The following MRPS9 variants were observed in gnomAD, a reference collection of about 807,000 sequenced individuals.
MRPS9 encodes mitochondrial ribosomal protein S9.
MRPS9 carries 45 observed loss-of-function variants against 59.9 expected under a neutral mutation model. The observed-to-expected ratio is 0.75, with a 90% CI of 0.59 to 0.96. The LOEUF is 0.96. MRPS9 is among the 40% of genes least tolerant of loss of function. The pLI, the probability that MRPS9 is intolerant of heterozygous loss-of-function variation, is 0.00. For synonymous variants in MRPS9, 171 were observed against 166.8 expected (o/e 1.03, Z -0.19); for missense variants, 473 against 481.1 (o/e 0.98, Z 0.16).
chr2:105,084,297 T>C (rs2104463542), intron 5 of MRPS9, among the ~76,000 whole-genome samples: 1 of 150,242 alleles, frequency 6.7e-6, no homozygotes, highest in South Asian at 2.1e-4. Context: ...GTAGTAAAGT[T>C]TAAAATGTGA....
At chr2:105,060,977 G>A (rs1045870690) in intron 2 of MRPS9, among the ~76,000 whole-genome samples, 21 of 151,628 alleles carry the variant, frequency 1.4e-4, no homozygotes, top group Non-Finnish European at 2.4e-4. Flanking sequence ...CGGGCATGGT[G>A]GTGAGTGCCT....
intron 1 of MRPS9, among the ~76,000 whole-genome samples, chr2:105,041,513 C>T (rs1328144543): frequency 7.0e-6 from 1 of 142,722 alleles, no homozygotes; most frequent in Admixed American, 7.1e-5. Context: ...ATTCCTGTCT[C>T]TGTCTAAAGT....
At chr2:105,097,775 G>A (rs1239526813) in intron 10 of MRPS9, among the ~76,000 whole-genome samples, 3 of 152,164 alleles carry the variant, frequency 2.0e-5, no homozygotes, top group Admixed American at 2.0e-4. Context: ...ATCATAGCTA[G>A]CTGCAGCCTT....
intron 2 of MRPS9, among the ~76,000 whole-genome samples, chr2:105,050,144 C>T (rs1433687678): frequency 2.7e-5 from 4 of 150,882 alleles, no homozygotes; most frequent in African/African-American, 4.9e-5. Context: ...CTTTTCTTTT[C>T]TTTTCTTTTT....
chr2:105,078,378 A>T (rs1453871247), intron 4 of MRPS9, among the ~76,000 whole-genome samples: 2 of 151,586 alleles, frequency 1.3e-5, no homozygotes, highest in Non-Finnish European at 2.9e-5. Flanking sequence ...ATCCCATGAT[A>T]TGAGACTCAA....
intron 1 of MRPS9, among the ~76,000 whole-genome samples, chr2:105,048,806 G>T (rs1679656215): frequency 6.6e-6 from 1 of 151,924 alleles, no homozygotes; most frequent in Non-Finnish European, 1.5e-5. Flanking sequence ...GCCTCCTTAA[G>T]GGAGTAGCCT....
At chr2:105,080,662 A>G (rs1012168541) in intron 5 of MRPS9, among the ~76,000 whole-genome samples, 2 of 152,130 alleles carry the variant, frequency 1.3e-5, no homozygotes, top group African/African-American at 2.4e-5. Flanking sequence ...ACTGCTATGG[A>G]AAAAAAGGCT....
chr2:105,050,739 G>A (rs534694387), intron 2 of MRPS9, among the ~76,000 whole-genome samples: 44 of 152,130 alleles, frequency 2.9e-4, no homozygotes, highest in Non-Finnish European at 5.3e-4. Flanking sequence ...ATTGAAGAGT[G>A]CAACAGGAAT....
At chr2:105,092,314 T>C in intron 7 of MRPS9, 87 bp from the exon 8 acceptor site, 13 of 1,228,070 alleles carry the variant, frequency 1.1e-5, no homozygotes, top group East Asian at 5.1e-5. Context: ...AAAAGCAACA[T>C]TGGAAAGATC....
intron 2 of MRPS9, among the ~76,000 whole-genome samples, chr2:105,069,014 G>A (rs980321023): frequency 1.5e-4 from 23 of 152,220 alleles, no homozygotes; most frequent in Admixed American, 1.3e-3. Context: ...CCACCTTCCC[G>A]CTGAAGAGGT....
At chr2:105,040,685 A>G (rs1413062699) in intron 1 of MRPS9, among the ~76,000 whole-genome samples, 3 of 152,144 alleles carry the variant, frequency 2.0e-5, no homozygotes, top group East Asian at 1.9e-4. Context: ...GAGTGTCCCA[A>G]ATTTGGGGCA....
intron 2 of MRPS9, among the ~76,000 whole-genome samples, chr2:105,067,606 G>A (rs1040188990): frequency 3.9e-5 from 6 of 152,118 alleles, no homozygotes; most frequent in Admixed American, 3.9e-4. Flanking sequence ...GCATTTGTTG[G>A]TGATCCTTGC....
chr2:105,051,840 T>C (rs1291534638), intron 2 of MRPS9, among the ~76,000 whole-genome samples: 1 of 152,198 alleles, frequency 6.6e-6, no homozygotes, highest in East Asian at 1.9e-4. Context: ...TTTGGGTTTC[T>C]TATTGCAAGT....
chr2:105,038,701 T>G (rs1679439543), intron 1 of MRPS9, among the ~76,000 whole-genome samples: 1 of 152,160 alleles, frequency 6.6e-6, no homozygotes, highest in South Asian at 2.1e-4. Context: ...TCTGGCTTCT[T>G]AATTTTCCCG....
chr2:105,083,258 A>C (rs972604342), intron 5 of MRPS9, among the ~76,000 whole-genome samples: 3 of 152,218 alleles, frequency 2.0e-5, no homozygotes, highest in African/African-American at 7.2e-5. Context: ...CAGCAAGATA[A>C]CCGAGTTGTG....
At chr2:105,061,689 G>A (rs1327322366) in intron 2 of MRPS9, among the ~76,000 whole-genome samples, 2 of 152,122 alleles carry the variant, frequency 1.3e-5, no homozygotes, top group Admixed American at 1.3e-4. Flanking sequence ...TTCCAGAACT[G>A]GACTGAAAGT....
chr2:105,041,446 G>C (rs1679500460), intron 1 of MRPS9, among the ~76,000 whole-genome samples: 1 of 151,866 alleles, frequency 6.6e-6, no homozygotes, highest in African/African-American at 2.4e-5. Context: ...TGCCAGAGAA[G>C]TGATCAATGA....
rs1680753361 is a variant in MRPS9 at position 105,099,834 on chromosome 2, T to A, written c.*73T>A. 1.4e-6 allele frequency: 2 copies of A among 1,393,900 alleles called. No homozygotes were observed. Among genetic ancestry groups the A allele is most frequent in the African/African-American group, 2.8e-5 (2 of 70,462 alleles). 86.3% of individuals were successfully genotyped at this position (1,393,900 alleles called of 1,614,324 possible). ...CATGTGGCAGACACACAGTAAATAA[T>A]GGCTGACCAGCATGAGGGCAGTACT... On this transcript the variant is annotated 3_prime_UTR_variant, in exon 11 of 11. Coordinates refer to ENST00000258455, the MANE Select transcript of MRPS9 (RefSeq NM_182640.3).
chr2:105,053,480 T>C (rs1249823861), intron 2 of MRPS9, among the ~76,000 whole-genome samples: 2 of 152,198 alleles, frequency 1.3e-5, no homozygotes, highest in Non-Finnish European at 2.9e-5. Context: ...CATTTATGAA[T>C]TGCATTTGAG....
Sources: allele counts gnomAD v4.1 joint callset (sites outside exome capture counted in the v4.1 genomes callset), GRCh38; gene constraint gnomAD v4.1.1; transcripts MANE v1.5; gene names NCBI Gene and HGNC (gene_info 2026-07-23, HGNC 2026-07-21).